Variants in THSD7B observed in about 807,000 individuals in gnomAD.
THSD7B encodes thrombospondin type-1 domain-containing protein 7B.
Under a neutral mutation model 213.6 loss-of-function variants are expected in THSD7B, and 138 were observed. The ratio of observed to expected loss-of-function variants is 0.65; its 90% CI spans 0.56 to 0.74. The LOEUF (loss-of-function observed/expected upper bound fraction) is 0.74, where lower values mean the gene tolerates loss of function less well. THSD7B is among the 30% of genes least tolerant of loss of function. THSD7B has a pLI of 0.00. For synonymous variants in THSD7B, 742 were observed against 687.0 expected, an observed-to-expected ratio of 1.08 and a Z score of -1.25; for missense variants, 1,931 against 1,991.5, an observed-to-expected ratio of 0.97 and a Z score of 0.58.
chr2:137,432,627 A>G (rs1020824325), intron 14 of THSD7B, among the ~76,000 whole-genome samples: 2 of 152,220 alleles, frequency 1.3e-5, no homozygotes, highest in Non-Finnish European at 2.9e-5. Context: ...TAAAGGGAAC[A>G]TTGTGTCCCA....
chr2:137,552,660 T>G lies in THSD7B; in HGVS notation c.3139-10561T>G, dbSNP rs557789512. On this transcript the variant is annotated intron_variant, in intron 15 of 27. Coordinates refer to ENST00000409968, the MANE Select transcript of THSD7B (RefSeq NM_001316349.2). ...CTTGTGGGTATGGTTGTGTTAGGAC[T>G]AAAACTTAGCATTGCATGCATTACA... Among the ~76,000 whole-genome samples, 329 of 152,318 alleles carry G rather than the reference T, an allele frequency of 2.2e-3. 2 individuals are homozygous for G. Among genetic ancestry groups the G allele is most frequent in the South Asian group, 3.7e-3 (18 of 4,832 alleles).
chr2:137,415,277 A>G (rs1686767385), intron 14 of THSD7B, among the ~76,000 whole-genome samples: 1 of 152,090 alleles, frequency 6.6e-6, no homozygotes, highest in African/African-American at 2.4e-5. Context: ...TGTGTTCTAT[A>G]TGGCCCCTAT....
At chr2:136,959,999 C>T (rs1205304777) in intron 2 of THSD7B, among the ~76,000 whole-genome samples, 1 of 152,210 alleles carries the variant, frequency 6.6e-6, no homozygotes, top group Non-Finnish European at 1.5e-5. Flanking sequence ...ATTTGGAGTT[C>T]ATGGGTTCTG....
chr2:137,045,936 G>C (rs924442095), intron 2 of THSD7B, among the ~76,000 whole-genome samples: 2 of 152,032 alleles, frequency 1.3e-5, no homozygotes, highest in African/African-American at 4.8e-5. Flanking sequence ...ACCATTATTA[G>C]GTGCCCAATA....
intron 1 of THSD7B, among the ~76,000 whole-genome samples, chr2:136,849,752 C>A (rs1431253760): frequency 2.0e-5 from 3 of 152,028 alleles, no homozygotes; most frequent in Non-Finnish European, 2.9e-5. Flanking sequence ...AGAGAAATAA[C>A]CTGAATAATA....
chr2:137,425,667 G>T (rs1687038880), intron 14 of THSD7B, among the ~76,000 whole-genome samples: 1 of 152,090 alleles, frequency 6.6e-6, no homozygotes, highest in African/African-American at 2.4e-5. Context: ...GATTCCGAGG[G>T]TTGATTGTAT....
At chr2:137,046,815 C>G (rs1046798858) in intron 2 of THSD7B, among the ~76,000 whole-genome samples, 28 of 150,942 alleles carry the variant, frequency 1.9e-4, no homozygotes, top group African/African-American at 6.1e-4. Flanking sequence ...ATTGGGGGAA[C>G]CGAAAGGTGG....
At chr2:137,187,433 G>A (rs916088737) in intron 7 of THSD7B, among the ~76,000 whole-genome samples, 1 of 152,186 alleles carries the variant, frequency 6.6e-6, no homozygotes, top group Non-Finnish European at 1.5e-5. Flanking sequence ...AGGGATTAGA[G>A]GGCAGGAAGT....
chr2:136,929,892 A>G (rs1573716649), intron 2 of THSD7B, among the ~76,000 whole-genome samples: 1 of 152,208 alleles, frequency 6.6e-6, no homozygotes, highest in African/African-American at 2.4e-5. Flanking sequence ...ATAAACGTTG[A>G]ATTAGAAACA....
At chr2:137,609,408 T>C (rs765613570) in intron 17 of THSD7B, among the ~76,000 whole-genome samples, 1 of 152,184 alleles carries the variant, frequency 6.6e-6, no homozygotes, top group Non-Finnish European at 1.5e-5. Context: ...CTTTGAGCAG[T>C]GGTGACCAGA....
chr2:136,991,067 G>A (rs1184485636), intron 2 of THSD7B: 4 of 701,346 alleles, frequency 5.7e-6, no homozygotes, highest in South Asian at 3.4e-5. Flanking sequence ...AAAAGGACCT[G>A]GACAAATGAA....
At chr2:137,084,098 A>C (rs1352758559) in intron 3 of THSD7B, among the ~76,000 whole-genome samples, 1 of 126 alleles carries the variant, frequency 7.9e-3, no homozygotes, top group Non-Finnish European at 0.019. Flanking sequence ...TTCCATATTC[A>C]GGGTAGATTA....
intron 3 of THSD7B, among the ~76,000 whole-genome samples, chr2:137,081,254 G>T (rs1280969757): frequency 6.6e-6 from 1 of 151,936 alleles, no homozygotes; most frequent in Non-Finnish European, 1.5e-5. Context: ...TTTATTTTGG[G>T]GGAATTTGAG....
intron 12 of THSD7B, among the ~76,000 whole-genome samples, chr2:137,389,290 G>C (rs901336966): frequency 2.8e-5 from 4 of 145,206 alleles, no homozygotes; most frequent in African/African-American, 1.0e-4. Context: ...TTGTGGTTTT[G>C]AGTTTCCCTA....
chr2:137,295,168 G>A (rs1266036713), intron 12 of THSD7B, among the ~76,000 whole-genome samples: 1 of 151,890 alleles, frequency 6.6e-6, no homozygotes, highest in Non-Finnish European at 1.5e-5. Flanking sequence ...AGTTATTATA[G>A]AACAACAACA....
intron 10 of THSD7B, among the ~76,000 whole-genome samples, chr2:137,250,178 T>C (rs1393799654): frequency 6.6e-6 from 1 of 152,232 alleles, no homozygotes; most frequent in African/African-American, 2.4e-5. Context: ...TTTCACTGCC[T>C]CTTCCTATTA....
chr2:136,865,727 G>A (rs1433705335), intron 1 of THSD7B, among the ~76,000 whole-genome samples: 2 of 152,196 alleles, frequency 1.3e-5, no homozygotes, highest in Admixed American at 1.3e-4. Context: ...AGTACCATCA[G>A]TTAGGAAGAT....
intron 15 of THSD7B, among the ~76,000 whole-genome samples, chr2:137,529,633 T>A (rs1367948313): frequency 6.6e-6 from 1 of 151,638 alleles, no homozygotes; most frequent in African/African-American, 2.4e-5. Context: ...AGAGTGTACT[T>A]GTGTTCAGAG....
At chr2:136,810,774 G>T (rs1013231609) in intron 1 of THSD7B, among the ~76,000 whole-genome samples, 1 of 152,164 alleles carries the variant, frequency 6.6e-6, no homozygotes, top group African/African-American at 2.4e-5. Context: ...CATGCTTCTT[G>T]TGGACCTGGC....
Sources: allele counts gnomAD v4.1 joint callset (sites outside exome capture counted in the v4.1 genomes callset), GRCh38; gene constraint gnomAD v4.1.1; transcripts MANE v1.5; gene names NCBI Gene and HGNC (gene_info 2026-07-23, HGNC 2026-07-21).